Variants in RBFOX1 observed in about 807,000 individuals in gnomAD.
RBFOX1 encodes the protein RNA binding fox-1 homolog 1.
In RBFOX1, 8 loss-of-function variants were observed where a neutral mutation model predicts 57.7. That is an observed-to-expected ratio of 0.14 (90% CI 0.08 to 0.25). The LOEUF (loss-of-function observed/expected upper bound fraction) is 0.25. RBFOX1 is among the 10% of genes least tolerant of loss of function. The pLI, the probability that RBFOX1 is intolerant of heterozygous loss-of-function variation, is 1.00. For synonymous variants in RBFOX1, 326 were observed against 222.4 expected, an observed-to-expected ratio of 1.47 and a Z score of -4.15; for missense variants, 611 against 548.5, an observed-to-expected ratio of 1.11 and a Z score of -1.14.
At chr16:6,513,744 C>G (rs1401830317) in intron 2 of RBFOX1, among the ~76,000 whole-genome samples, 1 of 150,052 alleles carries the variant, frequency 6.7e-6, no homozygotes, top group Non-Finnish European at 1.5e-5. Flanking sequence ...CAAAAACAAA[C>G]AAACAAACAA....
chr16:7,268,672 C>A (rs78043705), intron 4 of RBFOX1, among the ~76,000 whole-genome samples: 1,953 of 152,046 alleles, frequency 0.013, 14 homozygotes, highest in Non-Finnish European at 0.017. Flanking sequence ...TCAATCCTGC[C>A]CATGTTTTAT....
chr16:6,942,954 C>G (rs2078820060), intron 3 of RBFOX1, among the ~76,000 whole-genome samples: 1 of 152,170 alleles, frequency 6.6e-6, no homozygotes, highest in African/African-American at 2.4e-5. Context: ...TCACCATGTG[C>G]TTTTGTGACT....
intron 3 of RBFOX1, among the ~76,000 whole-genome samples, chr16:6,998,133 C>CTATT (rs1173359541): frequency 3.9e-5 from 6 of 151,910 alleles, no homozygotes; most frequent in African/African-American, 1.5e-4. Context: ...ATATAATTAT[C>CTATT]TATTTATTTA....
At chr16:6,172,522 C>T (rs1343585162) in intron 1 of RBFOX1, among the ~76,000 whole-genome samples, 2 of 152,254 alleles carry the variant, frequency 1.3e-5, no homozygotes, top group East Asian at 3.9e-4. Flanking sequence ...AACTTCATGT[C>T]CTACAGTAGA....
At chr16:6,782,372 A>T (rs1213024029) in intron 3 of RBFOX1, among the ~76,000 whole-genome samples, 1 of 152,158 alleles carries the variant, frequency 6.6e-6, no homozygotes, top group Non-Finnish European at 1.5e-5. Flanking sequence ...TGTTTCTACT[A>T]AATTTCCTTC....
intron 4 of RBFOX1, among the ~76,000 whole-genome samples, chr16:7,247,080 G>T (rs1193970251): frequency 6.6e-6 from 1 of 152,136 alleles, no homozygotes; most frequent in Non-Finnish European, 1.5e-5. Flanking sequence ...CCTTGATTTA[G>T]GCTGCACTCA....
intron 11 of RBFOX1, among the ~76,000 whole-genome samples, chr16:7,641,237 C>T (rs555019285): frequency 6.6e-6 from 1 of 152,278 alleles, no homozygotes; most frequent in East Asian, 1.9e-4. Context: ...CTTCCCTTGC[C>T]TTATTTCTTT....
chr16:6,396,554 C>T (rs991609872), intron 2 of RBFOX1, among the ~76,000 whole-genome samples: 8 of 152,096 alleles, frequency 5.3e-5, no homozygotes, highest in Admixed American at 1.3e-4. Flanking sequence ...CATAGCTGGA[C>T]GACTGAAAGA....
intron 2 of RBFOX1, among the ~76,000 whole-genome samples, chr16:6,622,558 G>A (rs544885817): frequency 2.6e-5 from 4 of 152,176 alleles, no homozygotes; most frequent in Non-Finnish European, 5.9e-5. Flanking sequence ...ATCACCTAAC[G>A]ATGCATTTCT....
intron 3 of RBFOX1, among the ~76,000 whole-genome samples, chr16:5,714,414 A>T (rs2051611311): frequency 6.6e-6 from 1 of 152,338 alleles, no homozygotes; most frequent in South Asian, 2.1e-4. Flanking sequence ...GATACAGAGA[A>T]CATGGAATAG....
intron 3 of RBFOX1, among the ~76,000 whole-genome samples, chr16:5,847,394 T>C (rs1240644742): frequency 6.6e-6 from 1 of 151,700 alleles, no homozygotes. Flanking sequence ...TTAAAATAGA[T>C]CCTGATTGCA....
At chr16:7,661,634 G>C (rs190467409) in intron 12 of RBFOX1, among the ~76,000 whole-genome samples, 1 of 152,304 alleles carries the variant, frequency 6.6e-6, no homozygotes, top group African/African-American at 2.4e-5. Context: ...GTGACTGTGT[G>C]TCCCACTTCC....
chr16:5,241,204 G>T (rs753128731), intron 1 of RBFOX1, among the ~76,000 whole-genome samples: 14 of 152,142 alleles, frequency 9.2e-5, no homozygotes, highest in Non-Finnish European at 4.4e-5. Context: ...TGTGTGGGAG[G>T]CTTGCTCCTG....
At chr16:7,599,518 G>A (rs965148250) in intron 9 of RBFOX1, among the ~76,000 whole-genome samples, 2 of 152,054 alleles carry the variant, frequency 1.3e-5, no homozygotes, top group Non-Finnish European at 2.9e-5. Context: ...TATGAGGTAT[G>A]CATTATGTGA....
chr16:7,193,749 T>C (rs1266494842), intron 4 of RBFOX1, among the ~76,000 whole-genome samples: 2 of 152,134 alleles, frequency 1.3e-5, no homozygotes, highest in African/African-American at 4.8e-5. Context: ...CCAGCAACCA[T>C]GGTAGACAGC....
chr16:7,636,335 T>C (rs2061750401), intron 11 of RBFOX1, among the ~76,000 whole-genome samples: 2 of 152,230 alleles, frequency 1.3e-5, no homozygotes, highest in Non-Finnish European at 2.9e-5. Flanking sequence ...TTTCTCCTAT[T>C]AATGATCACC....
chr16:6,595,684 C>A (rs1193440094), intron 2 of RBFOX1, among the ~76,000 whole-genome samples: 1 of 152,140 alleles, frequency 6.6e-6, no homozygotes, highest in Non-Finnish European at 1.5e-5. Context: ...AGCAATGTCT[C>A]TGGCTTCCCT....
rs1173540618 is a variant in RBFOX1, at chr16:5,856,280, TATATACAC to T, written c.319-11021_319-11014del. 3.2e-4 allele frequency among the ~76,000 whole-genome samples: 9 copies of T among 28,520 alleles called. 1 individual carries two copies. The highest frequency in any genetic ancestry group is 9.8e-4 in the African/African-American group (9 of 9,224). The allele number at this position is 28,520 out of a possible 152,430, so 18.7% of individuals were successfully genotyped here. The stretch of plus-strand genomic sequence containing the variant: ...ATATATGTATATATATATACACATA[TATATACAC>T]ACACACACACACACACACACACATA... On this transcript the variant is annotated intron_variant, in intron 3 of 19. Transcript: ENST00000641259.
At chr16:5,408,928 G>C (rs985669797) in intron 1 of RBFOX1, among the ~76,000 whole-genome samples, 2 of 152,186 alleles carry the variant, frequency 1.3e-5, no homozygotes. Flanking sequence ...CCCGTGATCC[G>C]TTCACCTCCC....
Sources: gnomAD v4.1 joint callset for allele counts (sites outside exome capture counted in the v4.1 genomes callset) on GRCh38, gnomAD v4.1.1 for gene constraint, MANE v1.5 for transcripts, NCBI Gene and HGNC (gene_info 2026-07-23, HGNC 2026-07-21) for gene names.